The following HDAC4 variants were observed in gnomAD, a reference collection of about 807,000 sequenced individuals.
HDAC4 encodes histone deacetylase 4, also known as histone deacetylase A.
In HDAC4, 16 loss-of-function variants were observed where a neutral mutation model predicts 135.1. The ratio of observed to expected loss-of-function variants is 0.12; its 90% confidence interval spans 0.08 to 0.18. HDAC4 has a LOEUF of 0.18. HDAC4 is among the 10% of genes least tolerant of loss of function. The pLI, the probability that HDAC4 is intolerant of heterozygous loss-of-function variation, is 1.00. For synonymous variants in HDAC4, 685 were observed against 653.4 expected (o/e 1.05, Z -0.74); for missense variants, 1,143 against 1,511.8 (o/e 0.76, Z 4.05).
In HDAC4 at chr2:239,228,104, C is replaced by A. The variant is rs569972920; in HGVS notation, c.94+8489G>T. On this transcript the variant is annotated intron_variant, in intron 3 of 26. Transcript: ENST00000543185. ...GCAGAGCCACGAACCTGGGGCCAGG[C>A]ACACCAGAGGGCACCAGGAAGCAAG... 1.6e-3 allele frequency among the ~76,000 whole-genome samples: 247 copies of A among 152,310 alleles called. 1 individual carries two copies. The highest frequency in any genetic ancestry group is 5.5e-3 in the African/African-American group (228 of 41,568).
chr2:239,377,320 C>A (rs776774965), intron 1 of HDAC4, among the ~76,000 whole-genome samples: 2 of 152,216 alleles, frequency 1.3e-5, no homozygotes, highest in African/African-American at 2.4e-5. Context: ...TCACAGGCCA[C>A]GTGTGCCTCT....
chr2:239,104,261 G>A (rs757681620), intron 15 of HDAC4, among the ~76,000 whole-genome samples: 3 of 152,166 alleles, frequency 2.0e-5, no homozygotes, highest in East Asian at 1.9e-4. Flanking sequence ...ACGGAGTTTC[G>A]CTCGTTGCCC....
At chr2:239,220,974 C>T (rs1434799727) in intron 3 of HDAC4, among the ~76,000 whole-genome samples, 1 of 152,152 alleles carries the variant, frequency 6.6e-6, no homozygotes, top group African/African-American at 2.4e-5. Context: ...GTCATCATGA[C>T]CAAGGCGAGG....
At chr2:239,165,458 G>A (rs568599860) in intron 5 of HDAC4, among the ~76,000 whole-genome samples, 5 of 152,152 alleles carry the variant, frequency 3.3e-5, no homozygotes, top group Middle Eastern at 3.4e-3. Context: ...ATCTTCCGGC[G>A]ATGTGCACAG....
intron 25 of HDAC4, among the ~76,000 whole-genome samples, chr2:239,054,321 T>G (rs6741865): frequency 0.28 from 43,009 of 151,936 alleles, 6,694 homozygotes; most frequent in African/African-American, 0.39. Context: ...GTGCCAGAAC[T>G]CAGAGGGCCT....
rs569695226 is a variant in HDAC4 at position 239,078,250 on chromosome 2, C to T, written c.2750+2845G>A. On this transcript the variant is annotated intron_variant, in intron 22 of 26. Coordinates refer to ENST00000543185, the MANE Select transcript of HDAC4 (RefSeq NM_001378414.1). ...GGTTCCCTTTTCTCCTACGAGTCTC[C>T]GGGCCTGAGGAGAAAGTGCCGGCTG... 7.9e-4 allele frequency among the ~76,000 whole-genome samples: 120 copies of T among 152,292 alleles called. 1 individual carries two copies. Among genetic ancestry groups the T allele is most frequent in the African/African-American group, 2.7e-3 (111 of 41,576 alleles).
chr2:239,162,810 G>A (rs533647073), intron 6 of HDAC4, among the ~76,000 whole-genome samples: 30 of 152,266 alleles, frequency 2.0e-4, no homozygotes, highest in African/African-American at 6.7e-4. Flanking sequence ...TCGGGGTAGC[G>A]GGCGGCCTCC....
rs368637832 is a variant in HDAC4, at chr2:239,134,174, C to T, written c.1294+71G>A. ...CATTCCTGTCTCCTCCAAAGGCAGG[C>T]GAAGGCGGGGCACCATCCAGAGCGT... On this transcript the variant is annotated intron_variant, in intron 11 of 26. Coordinates refer to ENST00000543185, the MANE Select transcript of HDAC4 (RefSeq NM_001378414.1). 258 of 1,284,966 alleles carry T rather than the reference C, an allele frequency of 2.0e-4. 1 individual carries two copies. The highest frequency in any genetic ancestry group is 1.9e-3 in the African/African-American group (128 of 67,820). 79.6% of individuals were successfully genotyped at this position (1,284,966 alleles called of 1,614,324 possible).
intron 4 of HDAC4, among the ~76,000 whole-genome samples, chr2:239,185,307 G>A (rs752750163): frequency 3.3e-5 from 5 of 151,920 alleles, no homozygotes; most frequent in African/African-American, 9.7e-5. Flanking sequence ...TAAAGGGGGT[G>A]CCCTGTATCT....
At chr2:239,387,520 G>C (rs557970685) in intron 1 of HDAC4, among the ~76,000 whole-genome samples, 1 of 152,318 alleles carries the variant, frequency 6.6e-6, no homozygotes, top group African/African-American at 2.4e-5. Flanking sequence ...CCAGCCTAGA[G>C]ACAGGACGAG....
In HDAC4 at chr2:239,339,550, A is replaced by G. The variant is rs140946090; in HGVS notation, c.22+13128T>C. Among the ~76,000 whole-genome samples the G allele has an allele frequency of 2.2e-3, 336 of 152,340 alleles. 2 individuals are homozygous for G. The highest frequency in any genetic ancestry group is 7.9e-3 in the African/African-American group (328 of 41,586). On this transcript the variant is annotated intron_variant, in intron 2 of 26. Transcript: ENST00000543185. ...TCTCTCGGGTGATGTGAGCAACTCAACGGAGACCTACGTTGTTCTTTTGTT... is the reference window on the plus strand; with the variant it reads ...TCTCTCGGGTGATGTGAGCAACTCAGCGGAGACCTACGTTGTTCTTTTGTT...
At chr2:239,247,790 C>T (rs536564045) in intron 2 of HDAC4, among the ~76,000 whole-genome samples, 3 of 152,308 alleles carry the variant, frequency 2.0e-5, no homozygotes, top group African/African-American at 7.2e-5. Flanking sequence ...GGCACATTAA[C>T]TGCGCGGCTG....
chr2:239,260,772 C>G (rs576112321), intron 2 of HDAC4, among the ~76,000 whole-genome samples: 6 of 152,364 alleles, frequency 3.9e-5, no homozygotes, highest in Non-Finnish European at 7.3e-5. Context: ...ACCTGGGGCC[C>G]GAGCGCTGCC....
intron 25 of HDAC4, among the ~76,000 whole-genome samples, chr2:239,054,237 CAG>C (rs1351807186): frequency 6.6e-6 from 1 of 152,110 alleles, no homozygotes; most frequent in Non-Finnish European, 1.5e-5. Context: ...GCGACAATGA[CAG>C]GGTGTGGGAG....
intron 24 of HDAC4, among the ~76,000 whole-genome samples, chr2:239,064,501 G>T (rs1431237324): frequency 1.3e-5 from 2 of 152,194 alleles, no homozygotes; most frequent in East Asian, 3.9e-4. Context: ...CAACAGAAGG[G>T]GAGGGAGGAA....
intron 2 of HDAC4, among the ~76,000 whole-genome samples, chr2:239,282,295 C>G: frequency 6.8e-6 from 1 of 146,394 alleles, no homozygotes; most frequent in South Asian, 2.2e-4. Flanking sequence ...AATGTACACA[C>G]CACTCTACAC....
intron 2 of HDAC4, among the ~76,000 whole-genome samples, chr2:239,348,346 A>C (rs1448429433): frequency 6.6e-6 from 1 of 152,250 alleles, no homozygotes; most frequent in Admixed American, 6.5e-5. Flanking sequence ...TTTCTGGGCA[A>C]GACTTTCTCT....
intron 22 of HDAC4, among the ~76,000 whole-genome samples, chr2:239,070,840 CT>C (rs2034114381): frequency 1.3e-5 from 2 of 151,768 alleles, no homozygotes; most frequent in Admixed American, 6.6e-5. Flanking sequence ...GTCCAAGACA[CT>C]TTTGCAATGG....
intron 2 of HDAC4, among the ~76,000 whole-genome samples, chr2:239,263,271 C>A (rs1176461553): frequency 1.9e-5 from 2 of 103,158 alleles, no homozygotes; most frequent in African/African-American, 3.9e-5. Flanking sequence ...AGGACCCCCG[C>A]CCAGCCCAGC....
Sources: gnomAD v4.1 joint callset for allele counts (sites outside exome capture counted in the v4.1 genomes callset) on GRCh38, gnomAD v4.1.1 for gene constraint, MANE v1.5 for transcripts, NCBI Gene and HGNC (gene_info 2026-07-23, HGNC 2026-07-21) for gene names.